Variants in ATG10 observed in about 807,000 individuals in gnomAD.
ATG10 encodes ubiquitin-like-conjugating enzyme ATG10.
ATG10 carries 30 observed loss-of-function variants against 32.1 expected under a neutral mutation model. That is an observed-to-expected ratio of 0.94 (90% CI 0.70 to 1.27). ATG10 has a LOEUF of 1.27. ATG10 is among the 50% of genes most tolerant of loss of function. ATG10 has a pLI of 0.00. For synonymous variants in ATG10, 87 were observed against 91.5 expected (o/e 0.95, Z 0.28); for missense variants, 233 against 262.3 (o/e 0.89, Z 0.77).
intron 5 of ATG10, among the ~76,000 whole-genome samples, chr5:82,230,480 T>C (rs944736392): frequency 1.3e-5 from 2 of 152,106 alleles, no homozygotes; most frequent in African/African-American, 4.8e-5. Flanking sequence ...ACGCCTGTAA[T>C]CCCAGCACTT....
chr5:82,021,414 G>A (rs187740369), intron 2 of ATG10, among the ~76,000 whole-genome samples: 42 of 152,180 alleles, frequency 2.8e-4, no homozygotes, highest in Admixed American at 1.3e-3. Flanking sequence ...ATATAAAATG[G>A]TTTAGTAGTT....
chr5:82,046,861 G>T (rs1763250027), intron 2 of ATG10, among the ~76,000 whole-genome samples: 1 of 151,872 alleles, frequency 6.6e-6, no homozygotes, highest in South Asian at 2.1e-4. Context: ...TAATTCTCTT[G>T]AGTAATTTTC....
Position 82,129,215 on chromosome 5 carries a change from T to A in ATG10, c.217-35184T>A, listed in dbSNP as rs573008502. 4.6e-5 allele frequency among the ~76,000 whole-genome samples: 7 copies of A among 152,090 alleles called. No individual in the cohort carries two copies. In the South Asian group the frequency reaches 1.5e-3, roughly 32 times the overall value. ...TACATCAGTTCATTTGGTTTTTCTCTAAACTGGTTATTCTAGTTAGCAATT... is the reference window on the plus strand; with the variant it reads ...TACATCAGTTCATTTGGTTTTTCTCAAAACTGGTTATTCTAGTTAGCAATT... On this transcript the variant is annotated intron_variant, in intron 3 of 7. Transcript: ENST00000282185.
chr5:82,179,129 T>A (rs977937052), intron 5 of ATG10, among the ~76,000 whole-genome samples: 2 of 152,110 alleles, frequency 1.3e-5, no homozygotes. Flanking sequence ...TGACTGAAAG[T>A]GAAAAACAGA....
intron 3 of ATG10, among the ~76,000 whole-genome samples, chr5:82,135,569 T>C (rs1766699983): frequency 6.6e-6 from 1 of 152,250 alleles, no homozygotes; most frequent in South Asian, 2.1e-4. Flanking sequence ...CTAATTTGTT[T>C]GCACTGTGAT....
chr5:82,183,503 T>C (rs1458994881), intron 5 of ATG10, among the ~76,000 whole-genome samples: 1 of 152,160 alleles, frequency 6.6e-6, no homozygotes. Flanking sequence ...GCTCGATTTT[T>C]TGGCAAGAAT....
intron 4 of ATG10, among the ~76,000 whole-genome samples, chr5:82,173,657 T>A (rs543438542): frequency 6.6e-6 from 1 of 152,332 alleles, no homozygotes; most frequent in East Asian, 1.9e-4. Flanking sequence ...CAAGAGATTT[T>A]ACTGAGCTAC....
chr5:81,974,894 T>C (rs1363707231), intron 1 of ATG10, among the ~76,000 whole-genome samples: 2 of 152,222 alleles, frequency 1.3e-5, no homozygotes, highest in African/African-American at 4.8e-5. Flanking sequence ...TTCAATCTGT[T>C]CCAAGGTTCA....
chr5:82,223,478 T>C (rs182773195), intron 5 of ATG10, among the ~76,000 whole-genome samples: 1 of 152,288 alleles, frequency 6.6e-6, no homozygotes, highest in East Asian at 1.9e-4. Flanking sequence ...AGATCGCCCT[T>C]GAAAGTTAGA....
In ATG10 at chr5:82,088,131, G is replaced by A. The variant is rs568279514; in HGVS notation, c.216+29529G>A. The stretch of plus-strand genomic sequence containing the variant: ...CCAGAGCTAACATGGTTCCTTCTTC[G>A]GGCATACTTTTTTAGTTTTTCTTTA... On this transcript the variant is annotated intron_variant, in intron 3 of 7. Coordinates refer to ENST00000282185, the MANE Select transcript of ATG10 (RefSeq NM_031482.5). Among the ~76,000 whole-genome samples the A allele has an allele frequency of 2.3e-4, 35 of 151,976 alleles. No homozygotes were observed. In the East Asian group the frequency reaches 5.8e-3, roughly 25 times the overall value.
At chr5:82,055,900 T>C (rs1247985622) in intron 2 of ATG10, among the ~76,000 whole-genome samples, 4 of 152,174 alleles carry the variant, frequency 2.6e-5, no homozygotes, top group African/African-American at 4.8e-5. Context: ...TTTGTTACAA[T>C]TGCCTGCAAT....
chr5:82,149,333 C>T (rs1447330148), intron 3 of ATG10, among the ~76,000 whole-genome samples: 1 of 151,900 alleles, frequency 6.6e-6, no homozygotes, highest in African/African-American at 2.4e-5. Context: ...TATTCCCTTA[C>T]TTGTGCTCCT....
chr5:82,093,508 A>C (rs1289016036), intron 3 of ATG10, among the ~76,000 whole-genome samples: 1 of 152,174 alleles, frequency 6.6e-6, no homozygotes, highest in South Asian at 2.1e-4. Context: ...GGGGATGACA[A>C]ATGGCAGCCC....
intron 1 of ATG10, among the ~76,000 whole-genome samples, chr5:81,986,554 C>G (rs952088468): frequency 2.0e-5 from 3 of 151,870 alleles, no homozygotes; most frequent in African/African-American, 7.3e-5. Flanking sequence ...TGAACAAACT[C>G]TTACATAGAT....
At chr5:82,008,851 TTTTA>T (rs906054106) in intron 2 of ATG10, among the ~76,000 whole-genome samples, 1 of 152,206 alleles carries the variant, frequency 6.6e-6, no homozygotes, top group African/African-American at 2.4e-5. Context: ...GACATATATA[TTTTA>T]TTTGTTTATT....
chr5:82,021,280 G>T (rs1051789225), intron 2 of ATG10, among the ~76,000 whole-genome samples: 2 of 152,134 alleles, frequency 1.3e-5, no homozygotes, highest in African/African-American at 4.8e-5. Context: ...GGCTGACCAG[G>T]GTATGTGGAG....
intron 3 of ATG10, among the ~76,000 whole-genome samples, chr5:82,132,667 G>T (rs1207741699): frequency 1.3e-5 from 2 of 151,990 alleles, no homozygotes; most frequent in Non-Finnish European, 2.9e-5. Flanking sequence ...ATGGGCATTT[G>T]GGTTGGTTCC....
At chr5:82,059,726 C>T (rs763458456) in intron 3 of ATG10, among the ~76,000 whole-genome samples, 21 of 152,102 alleles carry the variant, frequency 1.4e-4, no homozygotes, top group Non-Finnish European at 3.1e-4. Context: ...GCCAATCAGA[C>T]ATCAGCCCCC....
intron 3 of ATG10, among the ~76,000 whole-genome samples, chr5:82,072,803 T>A (rs2149770047): frequency 6.6e-6 from 1 of 152,312 alleles, no homozygotes; most frequent in South Asian, 2.1e-4. Flanking sequence ...TAAAAAATAA[T>A]AAACGAATGT....
Sources: gnomAD v4.1 joint callset for allele counts (sites outside exome capture counted in the v4.1 genomes callset) on GRCh38, gnomAD v4.1.1 for gene constraint, MANE v1.5 for transcripts, NCBI Gene and HGNC (gene_info 2026-07-23, HGNC 2026-07-21) for gene names.